Variants in BDH1 observed in about 807,000 individuals in gnomAD.
BDH1 encodes the protein D-beta-hydroxybutyrate dehydrogenase, mitochondrial.
In BDH1, 30 loss-of-function variants were observed where a neutral mutation model predicts 33.1. The observed-to-expected ratio is 0.91, with a 90% CI of 0.68 to 1.23. BDH1 has a LOEUF of 1.23. BDH1 is among the 50% of genes most tolerant of loss of function. The probability of loss-of-function intolerance (pLI) is 0.00; values close to 1 mark genes in which losing one functional copy is unlikely to be tolerated. For missense variants in BDH1, 443 were observed against 464.4 expected (o/e 0.95, Z 0.42); for synonymous variants, 190 against 183.6 (o/e 1.03, Z -0.28).
intron 2 of BDH1, among the ~76,000 whole-genome samples, chr3:197,546,744 G>C (rs1196178424): frequency 5.9e-5 from 9 of 152,124 alleles, no homozygotes; most frequent in Non-Finnish European, 1.5e-5. Flanking sequence ...GGCAACCCTG[G>C]GCAAGTCATC....
chr3:197,551,031 C>T (rs1026284182), intron 2 of BDH1, among the ~76,000 whole-genome samples: 4 of 152,116 alleles, frequency 2.6e-5, no homozygotes, highest in African/African-American at 9.7e-5. Context: ...ATGGAGTATC[C>T]ACCCCCTCAA....
chr3:197,524,768 G>A (rs1054709266), intron 5 of BDH1, among the ~76,000 whole-genome samples: 2 of 152,112 alleles, frequency 1.3e-5, no homozygotes, highest in Non-Finnish European at 2.9e-5. Flanking sequence ...CTTGAGGATG[G>A]GGTGTGGGAA....
At position 197,526,765 on chromosome 3, in the gene BDH1, C is replaced by T. The variant is rs959321980; in HGVS notation, c.268-3984G>A. Among the ~76,000 whole-genome samples the T allele has an allele frequency of 5.3e-5, 8 of 152,112 alleles. No homozygotes were observed. Among genetic ancestry groups the T allele is most frequent in the Non-Finnish European group, 8.8e-5 (6 of 67,948 alleles). ...CAGCTCTCCGTGCTCCGCTCCCAGA[C>T]GAGCCACTCCTGTCTCAATCTCGGG... is the stretch of plus-strand genomic sequence containing the variant. On this transcript the variant is annotated intron_variant, in intron 5 of 7. Transcript: ENST00000392379. This position sits in a 1 kb window ranked among gnomAD's most constrained non-coding sequence, Gnocchi z 4.7.
At chr3:197,559,274 A>T (rs1276362744), upstream of BDH1, among the ~76,000 whole-genome samples, 4 of 152,176 alleles carry the variant, frequency 2.6e-5, no homozygotes, top group Non-Finnish European at 5.9e-5. Flanking sequence ...TGCTGGGATT[A>T]CAGGCATGAG....
chr3:197,522,657 A>G lies in BDH1; in HGVS notation c.392T>C (p.Leu131Pro). Residue 131 changes from leucine to proline, a missense_variant, in exon 6 of 8, where the codon CTG becomes CCG. Transcript: ENST00000392379. The surrounding 1 kb of genome is among the most constrained non-coding windows in gnomAD (Gnocchi z 4.8). ...CGCCCTACCTTTCTCAGGGTCCTTC[A>G]GGCTCGAGCGGACAATCTCCACCAC... Reference protein sequence around the residue: ...EKVVEIVRSSLKDPEKGMWGL... With the variant: ...EKVVEIVRSSPKDPEKGMWGL... 6.2e-7 allele frequency: 1 copy of G among 1,614,138 alleles called. No homozygotes were observed. Among genetic ancestry groups the G allele is most frequent in the Non-Finnish European group, 8.5e-7 (1 of 1,180,018 alleles).
At chr3:197,560,673 T>A (rs879532655), upstream of BDH1, among the ~76,000 whole-genome samples, 1 of 152,224 alleles carries the variant, frequency 6.6e-6, no homozygotes, top group Non-Finnish European at 1.5e-5. Flanking sequence ...ATTTCTTTAC[T>A]GCACCAAGGA....
At chr3:197,538,327 G>A (rs775376849) in intron 3 of BDH1, 29 of 456,050 alleles carry the variant, frequency 6.4e-5, no homozygotes, top group Admixed American at 4.2e-4. Context: ...ACCATTTGAC[G>A]CCATTCAAAT....
In BDH1 at chr3:197,521,794, C is replaced by T. The variant is rs1170521916; in HGVS notation, c.409+846G>A. On this transcript the variant is annotated intron_variant, in intron 6 of 7. Transcript: ENST00000392379. The surrounding 1 kb of genome is among the most constrained non-coding windows in gnomAD (Gnocchi z 4.9). Reference sequence around the variant, plus strand: ...ACCCTTCCTGTTTCCCAACACCTACCACCCTAGTTCCGGAGTCCAGAACCC... The same window carrying T: ...ACCCTTCCTGTTTCCCAACACCTACTACCCTAGTTCCGGAGTCCAGAACCC... 6.6e-6 allele frequency among the ~76,000 whole-genome samples: 1 copy of T among 152,184 alleles called. No individual in the cohort carries two copies. The highest frequency in any genetic ancestry group is 1.5e-5 in the Non-Finnish European group (1 of 68,032).
At chr3:197,564,098 TA>T (rs71164298) in intron 1 of BDH1, among the ~76,000 whole-genome samples, 1,988 of 109,000 alleles carry the variant, frequency 0.018, 30 homozygotes, top group African/African-American at 0.057. Context: ...AGACTTCATC[TA>T]AAAAAAAAAA....
At chr3:197,542,130 T>G (rs1715685375) in intron 3 of BDH1, among the ~76,000 whole-genome samples, 2 of 152,214 alleles carry the variant, frequency 1.3e-5, no homozygotes, top group South Asian at 4.1e-4. Context: ...TGTCCCTGCC[T>G]GGACTGAGGC....
At position 197,525,691 on chromosome 3, in the gene BDH1, C is replaced by A. The variant is rs1019709857; in HGVS notation, c.268-2910G>T. 6.6e-6 allele frequency among the ~76,000 whole-genome samples: 1 copy of A among 152,234 alleles called. No individual in the cohort carries two copies. The highest frequency in any genetic ancestry group is 1.5e-5 in the Non-Finnish European group (1 of 68,046). Reference sequence around the variant, plus strand: ...ACAACCACGCCAATAGGGACAGAAACTACCAATTTGCCCCCAGTTATTCAG... The same window carrying A: ...ACAACCACGCCAATAGGGACAGAAAATACCAATTTGCCCCCAGTTATTCAG... On this transcript the variant is annotated intron_variant, in intron 5 of 7. Coordinates refer to ENST00000392379, the MANE Select transcript of BDH1 (RefSeq NM_203314.3). This position sits in a 1 kb window ranked among gnomAD's most constrained non-coding sequence, Gnocchi z 4.9.
At chr3:197,519,215 C>T (rs897045078) in intron 6 of BDH1, among the ~76,000 whole-genome samples, 19 of 152,038 alleles carry the variant, frequency 1.2e-4, no homozygotes, top group African/African-American at 2.4e-5. Context: ...TGTCAGCCTG[C>T]GAGCAGCTTG....
In BDH1 at chr3:197,532,458, T is replaced by C; in HGVS notation, c.221A>G (p.His74Arg). ...DSGFGFSLAK[H>R]LHSKGFLVFA... ...CACAAGGAAGCCTTTTGAATGCAGA[T>C]GCTTGGCCAATGAGAACCCAAATCC... is the stretch of plus-strand genomic sequence containing the variant. Residue 74 changes from histidine to arginine, a missense_variant, in exon 5 of 8, where the codon CAT (histidine) becomes CGT (arginine). Transcript: ENST00000392379. The C allele has an allele frequency of 6.2e-7, 1 of 1,614,254 alleles. No homozygotes were observed. The highest frequency in any genetic ancestry group is 8.5e-7 in the Non-Finnish European group (1 of 1,180,042).
chr3:197,519,499 A>G (rs1018375720), intron 6 of BDH1, among the ~76,000 whole-genome samples: 4 of 139,518 alleles, frequency 2.9e-5, no homozygotes, highest in Non-Finnish European at 3.1e-5. Flanking sequence ...CTTCTTTACT[A>G]AAAAAAAAAA....
chr3:197,549,986 T>TATATATATATATATATATATATA (rs3061417), intron 2 of BDH1, among the ~76,000 whole-genome samples: 1 of 149,478 alleles, frequency 6.7e-6, no homozygotes, highest in African/African-American at 2.5e-5. Flanking sequence ...TATATATATA[T>TATATATATATATATATATATATA]TTGGCCATTC....
chr3:197,511,796 G>A lies in BDH1; in HGVS notation c.*99C>T. ...CAGTTATGGGTCTTCCTGGCATGGT[G>A]GATAATCCACACGTGGATAATCAAG... On this transcript the variant is annotated 3_prime_UTR_variant, in exon 8 of 8. Transcript: ENST00000392379. 2.5e-6 allele frequency: 3 copies of A among 1,185,104 alleles called. No homozygotes were observed. The highest frequency in any genetic ancestry group is 1.5e-5 in the African/African-American group (1 of 65,002). 73.4% of individuals were successfully genotyped at this position (1,185,104 alleles called of 1,614,324 possible).
At position 197,532,463 on chromosome 3, in the gene BDH1, G is replaced by A; in HGVS notation, c.216C>T (p.Ala72=). The A allele has an allele frequency of 1.2e-6, 2 of 1,614,214 alleles. No homozygotes were observed. The highest frequency in any genetic ancestry group is 1.3e-5 in the African/African-American group (1 of 75,060). ...GGAAGCCTTTTGAATGCAGATGCTT[G>A]GCCAATGAGAACCCAAATCCAGAGT... ...GCDSGFGFSL[A]KHLHSKGFLV... The change falls in exon 5 of 8, where the codon GCC becomes GCT. Residue 72 remains alanine, a synonymous_variant. Coordinates refer to ENST00000392379, the MANE Select transcript of BDH1 (RefSeq NM_203314.3).
At position 197,511,448 on chromosome 3, in the gene BDH1, G is replaced by A. The variant is rs1238950344; in HGVS notation, c.*447C>T. ...GCAAATGTGAAGTATTTCCACAGCC[G>A]TGGCAGGAACACATAACTGGCACTA... is the stretch of plus-strand genomic sequence containing the variant. On this transcript the variant is annotated 3_prime_UTR_variant, in exon 8 of 8. Transcript: ENST00000392379. The A allele has an allele frequency of 6.0e-6, 1 of 167,050 alleles. No homozygotes were observed. Among genetic ancestry groups the A allele is most frequent in the Non-Finnish European group, 1.3e-5 (1 of 78,478 alleles). 10.3% of individuals were successfully genotyped at this position (167,050 alleles called of 1,614,324 possible).
intron 3 of BDH1, among the ~76,000 whole-genome samples, chr3:197,542,632 T>C (rs1461484556): frequency 6.7e-6 from 1 of 148,376 alleles, no homozygotes; most frequent in African/African-American, 2.5e-5. Context: ...CAAGCGATTC[T>C]CCCGCCTCAG....
Sources: gnomAD v4.1 joint callset for allele counts (sites outside exome capture counted in the v4.1 genomes callset) on GRCh38, gnomAD v4.1.1 for gene constraint, Gnocchi (gnomAD v3.1) non-coding constraint, MANE v1.5 for transcripts, NCBI Gene and HGNC (gene_info 2026-07-23, HGNC 2026-07-21) for gene names.